Variants in SLC44A2 observed in about 807,000 individuals in gnomAD.
SLC44A2 encodes choline transporter-like protein 2.
In SLC44A2, 57 loss-of-function variants were observed where a neutral mutation model predicts 90.8. That is an observed-to-expected ratio of 0.63 (90% CI 0.51 to 0.78). SLC44A2 has a LOEUF of 0.78. SLC44A2 is among the 30% of genes least tolerant of loss of function. SLC44A2 has a pLI of 0.00. For synonymous variants in SLC44A2, 355 were observed against 360.7 expected (o/e 0.98, Z 0.18); for missense variants, 794 against 919.7 (o/e 0.86, Z 1.77).
chr19:10,623,225 C>A (rs2066905188), upstream of SLC44A2, among the ~76,000 whole-genome samples: 1 of 152,080 alleles, frequency 6.6e-6, no homozygotes, highest in Non-Finnish European at 1.5e-5. Context: ...CACCCCAGGG[C>A]ATGACCTGGC....
intron 1 of SLC44A2, among the ~76,000 whole-genome samples, chr19:10,611,606 T>C (rs1381680814): frequency 2.0e-5 from 3 of 151,818 alleles, no homozygotes; most frequent in Non-Finnish European, 4.4e-5. Flanking sequence ...ATCGCTTGAG[T>C]CCAGGAGTTT....
intron 1 of SLC44A2, among the ~76,000 whole-genome samples, chr19:10,611,599 G>C (rs746836030): frequency 6.6e-6 from 1 of 151,952 alleles, no homozygotes; most frequent in Non-Finnish European, 1.5e-5. Flanking sequence ...TGGGTGGATC[G>C]CTTGAGTCCA....
chr19:10,641,093 GA>G (rs571498102), intron 20 of SLC44A2: 643 of 366,258 alleles, frequency 1.8e-3, no homozygotes, highest in Admixed American at 3.0e-3. Context: ...TCTCAGGAGG[GA>G]AAAAAAAAAG....
At chr19:10,625,394 A>G, upstream of SLC44A2, 3 of 1,055,260 alleles carry the variant, frequency 2.8e-6, no homozygotes, top group Non-Finnish European at 3.6e-6. Context: ...GGGGAAGGCT[A>G]AATGCGGCCG....
intron 21 of SLC44A2, among the ~76,000 whole-genome samples, chr19:10,642,653 C>T (rs1448031053): frequency 6.6e-6 from 1 of 152,192 alleles, no homozygotes; most frequent in Non-Finnish European, 1.5e-5. Flanking sequence ...TCCACTGGCC[C>T]AGGCTGCAGC....
chr19:10,639,736 C>T (rs960854519), intron 20 of SLC44A2, among the ~76,000 whole-genome samples: 3 of 152,088 alleles, frequency 2.0e-5, no homozygotes, highest in Non-Finnish European at 2.9e-5. Flanking sequence ...CAAAAATTAG[C>T]GGGGCGTGGT....
chr19:10,608,333 C>G (rs1475445205), intron 1 of SLC44A2, among the ~76,000 whole-genome samples: 8 of 151,894 alleles, frequency 5.3e-5, no homozygotes, highest in Non-Finnish European at 1.2e-4. Flanking sequence ...GTAGCTGGGA[C>G]TGATCACAGG....
chr19:10,610,740 A>G lies in SLC44A2; in HGVS notation c.31+8179A>G, dbSNP rs1391442455. Reference sequence around the variant, plus strand: ...CTGCAACCTTTGCCTCCCGGGTTCAAGTGATTCTCTGGCCTCAGCCTCCCG... The same window carrying G: ...CTGCAACCTTTGCCTCCCGGGTTCAGGTGATTCTCTGGCCTCAGCCTCCCG... On this transcript the variant is annotated intron_variant, in intron 1 of 21. Transcript: ENST00000407327. 2.2e-5 allele frequency among the ~76,000 whole-genome samples: 3 copies of G among 134,640 alleles called. No homozygotes were observed. The Admixed American group carries it at 2.3e-4, about 11-fold the overall frequency. 88.3% of individuals were successfully genotyped at this position (134,640 alleles called of 152,430 possible).
At chr19:10,643,251 C>T (rs1400471034) in intron 21 of SLC44A2, 28 bp from the exon 22 acceptor site, 6 of 1,597,312 alleles carry the variant, frequency 3.8e-6, no homozygotes, top group Non-Finnish European at 5.1e-6. Flanking sequence ...TCCCCTCATG[C>T]CTCCTGCTCT....
chr19:10,642,950 C>CTGAGA, intron 21 of SLC44A2: 1 of 1,593,350 alleles, frequency 6.3e-7, no homozygotes, highest in South Asian at 1.1e-5. Flanking sequence ...CTTCATGTCG[C>CTGAGA]CCGAGCTGAG....
chr19:10,607,744 A>T (rs1241859135), intron 1 of SLC44A2, among the ~76,000 whole-genome samples: 41 of 127,314 alleles, frequency 3.2e-4, no homozygotes, highest in Non-Finnish European at 4.9e-4. Flanking sequence ...TATTATTATT[A>T]TTATTATTTT....
At chr19:10,605,261 A>G (rs1267104456) in intron 1 of SLC44A2, among the ~76,000 whole-genome samples, 1 of 152,148 alleles carries the variant, frequency 6.6e-6, no homozygotes, top group Non-Finnish European at 1.5e-5. Flanking sequence ...CATGCCTGTA[A>G]TCCCAGCACT....
intron 1 of SLC44A2, among the ~76,000 whole-genome samples, chr19:10,613,999 C>A (rs147750986): frequency 0.023 from 3,536 of 151,756 alleles, 70 homozygotes; most frequent in Non-Finnish European, 0.033. Flanking sequence ...GAGTTTTGCT[C>A]TTGTTGCCCA....
In SLC44A2 at chr19:10,627,356, C is replaced by T. The variant is rs933973799; in HGVS notation, c.87-366C>T. Among the ~76,000 whole-genome samples, 3 of 149,808 alleles carry T rather than the reference C, an allele frequency of 2.0e-5. No individual in the cohort carries two copies. The East Asian group carries it at 5.9e-4, about 29-fold the overall frequency. On this transcript the variant is annotated intron_variant, in intron 2 of 21. Coordinates refer to ENST00000335757, the MANE Select transcript of SLC44A2 (RefSeq NM_020428.4). ...AAAAAGTCTAGCTTGGGCAACATAG[C>T]GAGACCTTGTCTCTACAGAATGTAT...
intron 20 of SLC44A2, among the ~76,000 whole-genome samples, chr19:10,639,214 G>A (rs536844848): frequency 6.6e-6 from 1 of 152,330 alleles, no homozygotes; most frequent in South Asian, 2.1e-4. Context: ...GATTGCAGGT[G>A]TGACCCACCA....
rs898868445 is a variant in SLC44A2 at position 10,638,195 on chromosome 19, C to T, written c.1841-32C>T. The T allele has an allele frequency of 3.7e-6, 6 of 1,613,518 alleles. No individual in the cohort carries two copies. In the African/African-American group the frequency reaches 4.0e-5, roughly 11 times the overall value. On this transcript the variant is annotated intron_variant, in intron 19 of 21. Transcript: ENST00000335757. ...GAGGCTGTTTCCTATATCCAGAACC[C>T]TTCGCCATCTTGCTTTCTTCTCCTT...
intron 10 of SLC44A2, among the ~76,000 whole-genome samples, chr19:10,632,553 GA>G (rs969482614): frequency 1.4e-5 from 2 of 145,332 alleles, no homozygotes; most frequent in South Asian, 4.5e-4. Flanking sequence ...AAAAAAAAAA[GA>G]AAAAATGTCT....
chr19:10,628,624 G>A (rs1056466002), intron 4 of SLC44A2, among the ~76,000 whole-genome samples: 2 of 152,126 alleles, frequency 1.3e-5, no homozygotes, highest in African/African-American at 4.8e-5. Context: ...CTAGTCCTTG[G>A]GGACACACAG....
rs1436321354 is a variant in SLC44A2 at position 10,644,142 on chromosome 19, G to A, written c.*757G>A. On this transcript the variant is annotated 3_prime_UTR_variant, in exon 22 of 22. Transcript: ENST00000335757. ...AAACCTGCTGGGCTGGAGGGAGTTA[G>A]GCTGAATTTCCCGACTTCCTCTGCC... 6.6e-6 allele frequency: 1 copy of A among 152,512 alleles called. No homozygotes were observed. The highest frequency in any genetic ancestry group is 1.9e-4 in the East Asian group (1 of 5,190). The allele number at this position is 152,512 out of a possible 1,614,324, so 9.4% of individuals were successfully genotyped here. A position where few individuals can be genotyped will look rare whatever the true frequency, so the allele number is the denominator to read the frequency against.
Sources: allele counts gnomAD v4.1 joint callset (sites outside exome capture counted in the v4.1 genomes callset), GRCh38; gene constraint gnomAD v4.1.1; transcripts MANE v1.5; gene names NCBI Gene and HGNC (gene_info 2026-07-23, HGNC 2026-07-21).